The following RNFT2 variants were observed in gnomAD, a reference collection of about 807,000 sequenced individuals.
The protein encoded by RNFT2 is E3 ubiquitin-protein ligase RNFT2.
Under a neutral mutation model 53.0 loss-of-function variants are expected in RNFT2, and 36 were observed. The ratio of observed to expected loss-of-function variants is 0.68; its 90% CI spans 0.52 to 0.90. RNFT2 has a LOEUF of 0.90. RNFT2 is among the 40% of genes least tolerant of loss of function. The pLI is 0.00. For missense variants in RNFT2, 514 were observed against 585.6 expected (o/e 0.88, Z 1.26); for synonymous variants, 260 against 253.2 (o/e 1.03, Z -0.26).
In RNFT2 at chr12:116,753,403, G is replaced by A. The variant is rs139684138; in HGVS notation, c.551-581G>A. 8.1e-3 allele frequency among the ~76,000 whole-genome samples: 1,238 copies of A among 152,078 alleles called. 17 individuals are homozygous for A. The highest frequency in any genetic ancestry group is 0.026 in the African/African-American group (1,074 of 41,510). On this transcript the variant is annotated intron_variant, in intron 4 of 10. Transcript: ENST00000257575. ...TGGCCTCAAGTGATCTGCCCACCTC[G>A]GCCTCCCAAAGTGCTGGGATTACAA...
rs376387074 is a variant in RNFT2, at chr12:116,748,271, C to T, written c.84-1570C>T. On this transcript the variant is annotated intron_variant, in intron 3 of 10. Transcript: ENST00000257575. ...AAAACTTGATGTTCGTAGGAAACTG[C>T]ACCCAATTCTGGGCTCTCCATTCCT... Among the ~76,000 whole-genome samples, 20 of 152,274 alleles carry T rather than the reference C, an allele frequency of 1.3e-4. No individual in the cohort carries two copies. In the East Asian group the frequency reaches 3.3e-3, roughly 25 times the overall value.
At chr12:116,758,210 C>T (rs1299533315) in intron 5 of RNFT2, among the ~76,000 whole-genome samples, 1 of 152,046 alleles carries the variant, frequency 6.6e-6, no homozygotes, top group Non-Finnish European at 1.5e-5. Context: ...TTATGTGAGT[C>T]CTTATGTGTT....
intron 10 of RNFT2, 133 bp from the exon 11 acceptor site, chr12:116,849,181 T>C: frequency 1.6e-6 from 1 of 633,432 alleles, no homozygotes; most frequent in East Asian, 2.8e-5. Context: ...AGTCGCATTG[T>C]CTCCCCAACG....
intron 4 of RNFT2, among the ~76,000 whole-genome samples, chr12:116,750,901 TATA>T (rs1566069600): frequency 0.022 from 323 of 14,976 alleles, 19 homozygotes; most frequent in Middle Eastern, 0.056. Context: ...AATATATATA[TATA>T]TATATTTTTT....
intron 5 of RNFT2, among the ~76,000 whole-genome samples, chr12:116,763,676 G>A (rs1872785305): frequency 6.6e-6 from 1 of 151,852 alleles, no homozygotes; most frequent in Non-Finnish European, 1.5e-5. Context: ...CTACTCGGGA[G>A]GCTGAGGCAG....
intron 7 of RNFT2, among the ~76,000 whole-genome samples, chr12:116,828,603 T>C (rs757687391): frequency 2.6e-5 from 4 of 151,948 alleles, no homozygotes; most frequent in African/African-American, 4.8e-5. Flanking sequence ...GAACCTGGCA[T>C]TGTGTCTGGT....
chr12:116,832,850 G>T, intron 7 of RNFT2, among the ~76,000 whole-genome samples: 1 of 149,918 alleles, frequency 6.7e-6, no homozygotes, highest in Non-Finnish European at 1.5e-5. Context: ...TGAACATCCA[G>T]CAAGGTCAGG....
intron 10 of RNFT2, among the ~76,000 whole-genome samples, chr12:116,841,309 C>G (rs1266447341): frequency 6.6e-6 from 1 of 152,018 alleles, no homozygotes; most frequent in Non-Finnish European, 1.5e-5. Flanking sequence ...AAAAATTAGC[C>G]AAGTGTGGTG....
chr12:116,788,666 G>C (rs191117564), intron 7 of RNFT2, among the ~76,000 whole-genome samples: 85 of 152,156 alleles, frequency 5.6e-4, no homozygotes, highest in Admixed American at 3.7e-3. Flanking sequence ...GTTTGTTGAT[G>C]GATCATCAGT....
intron 7 of RNFT2, among the ~76,000 whole-genome samples, chr12:116,798,630 G>A (rs1201855128): frequency 4.6e-5 from 7 of 151,966 alleles, no homozygotes; most frequent in African/African-American, 1.2e-4. Context: ...GTGCAGTGGC[G>A]TGATCTCAGC....
chr12:116,822,961 C>T (rs1026277107), intron 7 of RNFT2, among the ~76,000 whole-genome samples: 2 of 152,204 alleles, frequency 1.3e-5, no homozygotes, highest in African/African-American at 4.8e-5. Context: ...TGAGCCACTG[C>T]ACTCCAGGTT....
intron 7 of RNFT2, among the ~76,000 whole-genome samples, chr12:116,811,678 C>T (rs1024273451): frequency 2.6e-5 from 4 of 152,284 alleles, no homozygotes; most frequent in South Asian, 2.1e-4. Flanking sequence ...ACCCGGCATG[C>T]GTGCGCGTGC....
At position 116,852,667 on chromosome 12, in the gene RNFT2, C is replaced by A; in HGVS notation, c.*3219C>A. 12 of 1,613,966 alleles carry A rather than the reference C, an allele frequency of 7.4e-6. No individual in the cohort carries two copies. Among genetic ancestry groups the A allele is most frequent in the Non-Finnish European group, 1.0e-5 (12 of 1,179,886 alleles). On this transcript the variant is annotated 3_prime_UTR_variant, in exon 11 of 11. Transcript: ENST00000257575. ...GCCTGCAGATGCTGTTGAAGGGGCACAAGAAATTGGAGCTGGAGAAGATTG... is the reference window on the plus strand; with the variant it reads ...GCCTGCAGATGCTGTTGAAGGGGCAAAAGAAATTGGAGCTGGAGAAGATTG...
intron 7 of RNFT2, among the ~76,000 whole-genome samples, chr12:116,792,690 C>T (rs975569224): frequency 2.0e-5 from 3 of 152,098 alleles, no homozygotes; most frequent in African/African-American, 7.2e-5. Context: ...AGGTTCACAG[C>T]CTTCCCTTGC....
At chr12:116,833,298 A>G (rs1490490854) in intron 7 of RNFT2, among the ~76,000 whole-genome samples, 1 of 152,154 alleles carries the variant, frequency 6.6e-6, no homozygotes, top group Non-Finnish European at 1.5e-5. Context: ...AAGGACACGT[A>G]TCTCCCCGCT....
chr12:116,846,643 T>C (rs1406553017), intron 10 of RNFT2, among the ~76,000 whole-genome samples: 1 of 152,094 alleles, frequency 6.6e-6, no homozygotes, highest in African/African-American at 2.4e-5. Flanking sequence ...TTTTTTATTA[T>C]TATTTCCTCA....
At chr12:116,743,604 ACCTGGGGG>A (rs1425994590) in intron 3 of RNFT2, among the ~76,000 whole-genome samples, 1 of 151,992 alleles carries the variant, frequency 6.6e-6, no homozygotes, top group East Asian at 1.9e-4. Flanking sequence ...GAGGGAACAC[ACCTGGGGG>A]CCTGTTCTCA....
In RNFT2 at chr12:116,749,850, C is replaced by G; in HGVS notation, c.93C>G (p.Ser31Arg). The G allele has an allele frequency of 2.5e-6, 4 of 1,576,114 alleles. No individual in the cohort carries two copies. The highest frequency in any genetic ancestry group is 3.4e-6 in the Non-Finnish European group (4 of 1,160,472). ...TDNIPPERNR[S>R]QALSSEASVD... ...TCCCCTTGGCACCCAGAAACCGCAG[C>G]CAGGCGCTCAGCTCCGAGGCGAGTG... The change falls in exon 4 of 11, where the codon AGC (serine) becomes AGG (arginine). Residue 31 changes from serine to arginine, a missense_variant. Coordinates refer to ENST00000257575, the MANE Select transcript of RNFT2 (RefSeq NM_001382266.1).
rs1057048057 is a variant in RNFT2, at chr12:116,852,284, C to A, written c.*2836C>A. 9.4e-5 allele frequency: 119 copies of A among 1,259,868 alleles called. No homozygotes were observed. The highest frequency in any genetic ancestry group is 1.1e-4 in the Non-Finnish European group (113 of 1,000,312). The allele number at this position is 1,259,868 out of a possible 1,614,324, so 78.0% of individuals were successfully genotyped here. A position where few individuals can be genotyped will look rare whatever the true frequency, so the allele number is the denominator to read the frequency against. On this transcript the variant is annotated 3_prime_UTR_variant, in exon 11 of 11. Coordinates refer to ENST00000257575, the MANE Select transcript of RNFT2 (RefSeq NM_001382266.1). ...CAGGAGAAATGGAGGAGCTTTGTAGCCACCTCGCTGTCAGCCAGTATTAAC... is the reference window on the plus strand; with the variant it reads ...CAGGAGAAATGGAGGAGCTTTGTAGACACCTCGCTGTCAGCCAGTATTAAC...
Sources: allele counts gnomAD v4.1 joint callset (sites outside exome capture counted in the v4.1 genomes callset), GRCh38; gene constraint gnomAD v4.1.1; transcripts MANE v1.5; gene names NCBI Gene and HGNC (gene_info 2026-07-23, HGNC 2026-07-21).